Variants in AGTPBP1 observed in about 807,000 individuals in gnomAD.
AGTPBP1 encodes the protein cytosolic carboxypeptidase 1.
AGTPBP1 carries 70 observed loss-of-function variants against 143.9 expected under a neutral mutation model. The observed-to-expected ratio is 0.49, with a 90% CI of 0.40 to 0.59. The LOEUF (loss-of-function observed/expected upper bound fraction) is 0.59, where lower values mean the gene tolerates loss of function less well. Ranked by LOEUF, AGTPBP1 falls within the 20% of genes least tolerant of loss-of-function variation. The pLI is 0.00. For synonymous variants in AGTPBP1, 463 were observed against 500.2 expected (o/e 0.93, Z 0.99); for missense variants, 1,229 against 1,464.5 (o/e 0.84, Z 2.62).
chr9:85,758,244 T>A, the AGTPBP1 span, among the ~76,000 whole-genome samples: 1 of 152,140 alleles, frequency 6.6e-6, no homozygotes, highest in Non-Finnish European at 1.5e-5. Context: ...AACAAGAAGC[T>A]GAAAAAACTT....
chr9:85,796,187 C>A, the AGTPBP1 span, among the ~76,000 whole-genome samples: 51 of 152,046 alleles, frequency 3.4e-4, no homozygotes, highest in Admixed American at 1.6e-3. Flanking sequence ...TATACACATA[C>A]CCCTCACAAA....
Position 85,569,111 on chromosome 9 carries a change from T to C in AGTPBP1, c.3503+6204A>G, listed in dbSNP as rs573424271. Among the ~76,000 whole-genome samples the C allele has an allele frequency of 9.3e-4, 142 of 152,328 alleles. 1 individual carries two copies. Among genetic ancestry groups the C allele is most frequent in the Middle Eastern group, 6.8e-3 (2 of 294 alleles). ...GAAAAAATGCTCAGAGGAAAGTTTA[T>C]GAACACACCACCCCTGTTTCCCCCC... On this transcript the variant is annotated intron_variant, in intron 25 of 25. Coordinates refer to ENST00000357081, the MANE Select transcript of AGTPBP1 (RefSeq NM_001330701.2).
At chr9:85,761,981 A>G in the AGTPBP1 span, among the ~76,000 whole-genome samples, 1 of 152,262 alleles carries the variant, frequency 6.6e-6, no homozygotes, top group Admixed American at 6.5e-5. Context: ...GAAGCTTCTC[A>G]AAAGAAGACA....
intron 11 of AGTPBP1, among the ~76,000 whole-genome samples, chr9:85,651,171 T>G (rs978911039): frequency 2.0e-5 from 3 of 152,168 alleles, no homozygotes; most frequent in Non-Finnish European, 4.4e-5. Context: ...CAGGATATTG[T>G]GCATCTTTGA....
chr9:85,766,985 A>G, the AGTPBP1 span, among the ~76,000 whole-genome samples: 1 of 150,926 alleles, frequency 6.6e-6, no homozygotes, highest in African/African-American at 2.4e-5. Context: ...TTACCTAACA[A>G]TTTACTACAG....
At chr9:85,760,204 G>A in the AGTPBP1 span, among the ~76,000 whole-genome samples, 3 of 152,128 alleles carry the variant, frequency 2.0e-5, no homozygotes, top group Admixed American at 2.0e-4. Flanking sequence ...GGAGGAGCTG[G>A]TACCATTCCT....
At chr9:85,647,124 A>G (rs1175775592) in intron 11 of AGTPBP1, among the ~76,000 whole-genome samples, 1 of 152,146 alleles carries the variant, frequency 6.6e-6, no homozygotes, top group Non-Finnish European at 1.5e-5. Flanking sequence ...TTAAAAATAC[A>G]AAATTAGCTG....
upstream of AGTPBP1, among the ~76,000 whole-genome samples, chr9:85,743,005 T>C (rs1029333949): frequency 6.6e-6 from 1 of 152,210 alleles, no homozygotes; most frequent in Non-Finnish European, 1.5e-5. Flanking sequence ...AGTTTGCCCT[T>C]GGTAGATGTC....
chr9:85,788,947 T>G, the AGTPBP1 span, among the ~76,000 whole-genome samples: 1 of 151,868 alleles, frequency 6.6e-6, no homozygotes, highest in Non-Finnish European at 1.5e-5. Flanking sequence ...TTAGGAATAA[T>G]TCATTTGAGA....
At chr9:85,623,313 A>C (rs1268140484) in intron 14 of AGTPBP1, among the ~76,000 whole-genome samples, 3 of 152,178 alleles carry the variant, frequency 2.0e-5, no homozygotes, top group African/African-American at 7.2e-5. Flanking sequence ...TCTGCAAGTT[A>C]AGCCAAATCA....
At position 85,713,158 on chromosome 9, in the gene AGTPBP1, A is replaced by AT. The variant is rs201101981; in HGVS notation, c.-33-593dup. ...AACTATTAACCCTAAAATACTCTAA[A>AT]TATCTTTTAAATACCAATGCTTACT... On this transcript the variant is annotated intron_variant, in intron 1 of 25. Transcript: ENST00000357081. 6.8e-3 allele frequency among the ~76,000 whole-genome samples: 1,039 copies of AT among 152,364 alleles called. 8 individuals are homozygous for AT. The highest frequency in any genetic ancestry group is 0.019 in the South Asian group (91 of 4,834).
intron 3 of AGTPBP1, among the ~76,000 whole-genome samples, chr9:85,682,890 G>A (rs1208067963): frequency 6.6e-6 from 1 of 152,070 alleles, no homozygotes; most frequent in Admixed American, 6.5e-5. Context: ...GTAAACAGAG[G>A]GAAAAATGTA....
the AGTPBP1 span, among the ~76,000 whole-genome samples, chr9:85,795,596 G>A: frequency 4.6e-5 from 7 of 152,108 alleles, no homozygotes; most frequent in Admixed American, 3.3e-4. Flanking sequence ...GCTTTTAAGG[G>A]GCTCACAAAG....
At position 85,547,203 on chromosome 9, in the gene AGTPBP1, T is replaced by C. The variant is rs1054193380; in HGVS notation, c.3587A>G (p.Asp1196Gly). 1 of 1,613,842 alleles carries C rather than the reference T, an allele frequency of 6.2e-7. No individual in the cohort carries two copies. Among genetic ancestry groups the C allele is most frequent in the Non-Finnish European group, 8.5e-7 (1 of 1,179,890 alleles). Residue 1196 changes from aspartate to glycine, a missense_variant, in exon 26 of 26, where the codon GAT becomes GGT. Transcript: ENST00000357081. ...DYSAESNDEL[D>G]IELAENVGDY... ...TCCTACATTTTCAGCCAACTCAATATCTAACTCATCATTACTTTCTGCACT... is the reference window on the plus strand; with the variant it reads ...TCCTACATTTTCAGCCAACTCAATACCTAACTCATCATTACTTTCTGCACT...
intron 23 of AGTPBP1, among the ~76,000 whole-genome samples, chr9:85,584,841 ATATAAAAG>A (rs1828503858): frequency 6.6e-6 from 1 of 152,208 alleles, no homozygotes; most frequent in Non-Finnish European, 1.5e-5. Flanking sequence ...ACTTTACCAA[ATATAAAAG>A]ACTTGACTAA....
the AGTPBP1 span, among the ~76,000 whole-genome samples, chr9:85,752,910 G>A: frequency 6.6e-6 from 1 of 152,144 alleles, no homozygotes; most frequent in African/African-American, 2.4e-5. Context: ...AGCTACTTGG[G>A]AGGCTGAGGT....
intron 25 of AGTPBP1, among the ~76,000 whole-genome samples, chr9:85,563,075 C>T (rs926450508): frequency 6.6e-6 from 1 of 152,160 alleles, no homozygotes; most frequent in African/African-American, 2.4e-5. Context: ...CTTGGACTTC[C>T]CTGTCTCCAG....
At chr9:85,617,687 A>T (rs1432167771) in intron 17 of AGTPBP1, among the ~76,000 whole-genome samples, 1 of 152,184 alleles carries the variant, frequency 6.6e-6, no homozygotes, top group Non-Finnish European at 1.5e-5. Flanking sequence ...TAGTTCTTCG[A>T]AACAGCCCAA....
At chr9:85,556,838 T>A in intron 25 of AGTPBP1, among the ~76,000 whole-genome samples, 1 of 152,114 alleles carries the variant, frequency 6.6e-6, no homozygotes, top group Non-Finnish European at 1.5e-5. Context: ...AAAGGAAAAG[T>A]GGACACATTC....
Sources: allele counts gnomAD v4.1 joint callset (sites outside exome capture counted in the v4.1 genomes callset), GRCh38; gene constraint gnomAD v4.1.1; transcripts MANE v1.5; gene names NCBI Gene and HGNC (gene_info 2026-07-23, HGNC 2026-07-21).